Variants in SUN5 observed in about 807,000 individuals in gnomAD.
SUN5 encodes Sad1 and UNC84 domain containing 5, also known as SUN domain-containing protein 5.
Under a neutral mutation model 53.7 loss-of-function variants are expected in SUN5, and 44 were observed. The observed-to-expected ratio is 0.82, with a 90% confidence interval of 0.64 to 1.05. The LOEUF (loss-of-function observed/expected upper bound fraction) is 1.05, where lower values mean the gene tolerates loss of function less well. Ranked by LOEUF, SUN5 falls within the 50% of genes least tolerant of loss-of-function variation. The probability of loss-of-function intolerance (pLI) is 0.00; values close to 1 mark genes in which losing one functional copy is unlikely to be tolerated. For synonymous variants in SUN5, 166 were observed against 179.8 expected, an observed-to-expected ratio of 0.92 and a Z score of 0.62; for missense variants, 433 against 483.8, an observed-to-expected ratio of 0.90 and a Z score of 0.98.
chr20:32,984,926 G>A (rs968775126), intron 12 of SUN5, among the ~76,000 whole-genome samples, 173 bp downstream of exon 12: 1 of 152,200 alleles, frequency 6.6e-6, no homozygotes, highest in African/African-American at 2.4e-5. Context: ...AGTCCCATTT[G>A]GCCCTGGGTA....
In SUN5 at chr20:32,985,767, A is replaced by T. The variant is rs1989520486; in HGVS notation, c.866T>A (p.Leu289Gln). 1 of 1,614,126 alleles carries T rather than the reference A, an allele frequency of 6.2e-7. No individual in the cohort carries two copies. The highest frequency in any genetic ancestry group is 8.5e-7 in the Non-Finnish European group (1 of 1,179,968). ...GACGAAGTCCTTGGGGGCGGTGTCCAGGCTGCCTGACAATGAGATGGTCTT... is the reference window on the plus strand; with the variant it reads ...GACGAAGTCCTTGGGGGCGGTGTCCTGGCTGCCTGACAATGAGATGGTCTT... ...IPKTISLSGS[L>Q]DTAPKDFVIY... The change falls in exon 11 of 13, where the codon CTG (leucine) becomes CAG (glutamine). Residue 289 changes from leucine to glutamine, a missense_variant. Physicochemically the swap from Leu to Gln is moderately radical, Grantham distance 113 (BLOSUM62 -2). Transcript: ENST00000356173.
At chr20:32,991,716 A>T (rs1026096446) in intron 8 of SUN5, among the ~76,000 whole-genome samples, 1 of 152,242 alleles carries the variant, frequency 6.6e-6, no homozygotes, top group African/African-American at 2.4e-5. Flanking sequence ...GGACAATAAA[A>T]GATAAAGATG....
At chr20:32,990,324 G>C (rs1989678362) in intron 8 of SUN5, among the ~76,000 whole-genome samples, 1 of 152,216 alleles carries the variant, frequency 6.6e-6, no homozygotes, top group African/African-American at 2.4e-5. Flanking sequence ...GGATGGCAAA[G>C]CACTTAGCAC....
intron 4 of SUN5, among the ~76,000 whole-genome samples, 171 bp downstream of exon 4, chr20:33,001,041 A>T (rs1015237842): frequency 1.1e-4 from 17 of 152,000 alleles, no homozygotes; most frequent in Non-Finnish European, 8.8e-5. Context: ...GGCTGGAGCA[A>T]TGGGGGGCCA....
intron 1 of SUN5, among the ~76,000 whole-genome samples, chr20:33,003,161 A>C (rs1225865763): frequency 1.3e-5 from 2 of 152,246 alleles, no homozygotes; most frequent in East Asian, 3.9e-4. Flanking sequence ...CGAGGTTGGC[A>C]GAAGCTTGGT....
chr20:33,003,358 A>T (rs1161102632), intron 1 of SUN5, among the ~76,000 whole-genome samples: 2 of 152,032 alleles, frequency 1.3e-5, no homozygotes, highest in Non-Finnish European at 2.9e-5. Context: ...TAGGTTTAGG[A>T]TTAGCTAAAT....
intron 5 of SUN5, among the ~76,000 whole-genome samples, chr20:32,999,263 C>T (rs1395621801): frequency 6.6e-6 from 1 of 152,074 alleles, no homozygotes; most frequent in Non-Finnish European, 1.5e-5. Flanking sequence ...AACCTGAAAA[C>T]AAAATTAAGA....
chr20:32,986,791 C>T (rs552935917), intron 10 of SUN5, among the ~76,000 whole-genome samples: 1 of 152,198 alleles, frequency 6.6e-6, no homozygotes. Flanking sequence ...TGCAACCCAG[C>T]CACTGCCCGC....
At chr20:32,995,767 T>C in intron 7 of SUN5, 40 bp from the exon 8 acceptor site, 1 of 1,571,774 alleles carries the variant, frequency 6.4e-7, no homozygotes. Context: ...GGTTGATTTG[T>C]GATGCGTTGT....
chr20:33,002,875 G>A lies in SUN5; in HGVS notation c.122C>T (p.Thr41Ile). ...GRNTSRMAED[T>I]SPNMNDNILL... ...TCCTTGCTCACTCATGTTTGGGGAG[G>A]TGTCCTCTGCCATCCTGCTGGTGTT... is the stretch of plus-strand genomic sequence containing the variant. Residue 41 changes from threonine to isoleucine, a missense_variant, in exon 2 of 13, where the codon ACC (threonine) becomes ATC (isoleucine). Physicochemically the swap from Thr to Ile is moderately conservative, Grantham distance 89. Coordinates refer to ENST00000356173, the MANE Select transcript of SUN5 (RefSeq NM_080675.4). 4 of 1,614,130 alleles carry A rather than the reference G, an allele frequency of 2.5e-6. No homozygotes were observed. Among genetic ancestry groups the A allele is most frequent in the Non-Finnish European group, 3.4e-6 (4 of 1,180,034 alleles).
chr20:32,987,812 G>A (rs1989588770), intron 9 of SUN5, 37 bp from the exon 10 acceptor site: 1 of 1,565,486 alleles, frequency 6.4e-7, no homozygotes, highest in Non-Finnish European at 8.7e-7. Flanking sequence ...AAGCAGCCGG[G>A]CTTCTGCCTG....
intron 5 of SUN5, among the ~76,000 whole-genome samples, chr20:32,999,571 A>G (rs2146337529): frequency 6.6e-6 from 1 of 152,350 alleles, no homozygotes; most frequent in African/African-American, 2.4e-5. Context: ...CAGCTTGGCA[A>G]CAGAGTGAGA....
intron 7 of SUN5, among the ~76,000 whole-genome samples, 184 bp downstream of exon 7, chr20:32,996,140 A>G (rs1019103379): frequency 1.3e-5 from 2 of 152,174 alleles, no homozygotes; most frequent in Admixed American, 6.5e-5. Context: ...ATAAATGAGG[A>G]GTCAAAGGCC....
In SUN5 at chr20:32,983,808, G is replaced by A. The variant is rs766754143; in HGVS notation, c.1126C>T (p.Pro376Ser). ...PREQPHQNPY[P>S]KRD ...AAGAATAAATTTTAATCTCTCTTAG[G>A]GTAGGGGTTCTGGTGAGGCTGCTCT... is the stretch of plus-strand genomic sequence containing the variant. The change falls in exon 13 of 13, where the codon CCT becomes TCT. Residue 376 changes from proline to serine, a missense_variant. Transcript: ENST00000356173. 6.4e-7 allele frequency: 1 copy of A among 1,552,472 alleles called. No individual in the cohort carries two copies. Among genetic ancestry groups the A allele is most frequent in the South Asian group, 1.2e-5 (1 of 80,318 alleles).
intron 1 of SUN5, among the ~76,000 whole-genome samples, chr20:33,003,315 G>T (rs1990104252): frequency 6.6e-6 from 1 of 152,166 alleles, no homozygotes; most frequent in Admixed American, 6.5e-5. Context: ...AGGTAGGGGG[G>T]TGGTTACGAG....
chr20:33,003,462 G>C (rs1026523342), intron 1 of SUN5, among the ~76,000 whole-genome samples: 1 of 152,134 alleles, frequency 6.6e-6, no homozygotes, highest in Admixed American at 6.5e-5. Context: ...GTGACCATGA[G>C]AGGGGGCTAA....
chr20:32,997,615 G>GCCTGAGGAGGGTGCACACTCA, intron 6 of SUN5, 23 bp downstream of exon 6: 3 of 1,613,514 alleles, frequency 1.9e-6, no homozygotes, highest in Non-Finnish European at 2.5e-6. Context: ...CAGCTGTGGG[G>GCCTGAGGAGGGTGCACACTCA]CCTGAGGAGG....
chr20:32,998,117 T>C (rs1989900262), intron 5 of SUN5, among the ~76,000 whole-genome samples: 1 of 133,694 alleles, frequency 7.5e-6, no homozygotes, highest in African/African-American at 2.9e-5. Flanking sequence ...GGCAGGCAGA[T>C]CACTTAAGCC....
intron 5 of SUN5, 52 bp from the exon 6 acceptor site, chr20:32,997,739 C>T (rs440139): frequency 0.37 from 590,896 of 1,603,308 alleles, 115,168 homozygotes; most frequent in East Asian, 0.77. Context: ...AGATGAAGAG[C>T]CTAGGTGCTG....
Sources: allele counts gnomAD v4.1 joint callset (sites outside exome capture counted in the v4.1 genomes callset), GRCh38; gene constraint gnomAD v4.1.1; transcripts MANE v1.5; gene names NCBI Gene and HGNC (gene_info 2026-07-23, HGNC 2026-07-21).